The following ARHGAP20 variants were observed in gnomAD, a reference collection of about 807,000 sequenced individuals.
The protein encoded by ARHGAP20 is Rho GTPase activating protein 20, also known as rho GTPase-activating protein 20.
In ARHGAP20, 34 loss-of-function variants were observed where a neutral mutation model predicts 73.7. That is an observed-to-expected ratio of 0.46 (90% CI 0.35 to 0.61). The LOEUF is 0.61. Ranked by LOEUF, ARHGAP20 falls within the 20% of genes least tolerant of loss-of-function variation. The probability of loss-of-function intolerance (pLI) is 0.00; values close to 1 mark genes in which losing one functional copy is unlikely to be tolerated. For synonymous variants in ARHGAP20, 523 were observed against 518.2 expected (o/e 1.01, Z -0.13); for missense variants, 1,314 against 1,420.9 (o/e 0.92, Z 1.21).
At chr11:110,626,324 C>T (rs928939131) in intron 3 of ARHGAP20, among the ~76,000 whole-genome samples, 1 of 152,162 alleles carries the variant, frequency 6.6e-6, no homozygotes, top group Admixed American at 6.5e-5. Context: ...GATCCTTTCC[C>T]TAGATCAATA....
chr11:110,694,608 G>A (rs1950302244), intron 1 of ARHGAP20, among the ~76,000 whole-genome samples: 1 of 151,620 alleles, frequency 6.6e-6, no homozygotes, highest in Admixed American at 6.6e-5. Context: ...TAAATACATG[G>A]ATTAATTACA....
In ARHGAP20 at chr11:110,624,188, G is replaced by A; in HGVS notation, c.477C>T (p.Pro159=). 6.2e-7 allele frequency: 1 copy of A among 1,612,348 alleles called. No homozygotes were observed. Among genetic ancestry groups the A allele is most frequent in the Non-Finnish European group, 8.5e-7 (1 of 1,179,576 alleles). The change falls in exon 4 of 15, where the codon CCC becomes CCT. Residue 159 remains proline (P), a synonymous_variant. Coordinates refer to ENST00000683387, the MANE Select transcript of ARHGAP20 (RefSeq NM_001384657.1). ...TGAAAGTGGCCACAAAGTTCACTGT[G>A]GGCCAGCCCAAAACAAAGGATTTCA... The part of the protein sequence containing the change: ...NAMKSFVLGW[P]TVNFVATFSS...
In ARHGAP20 at chr11:110,577,979, A is replaced by G; in HGVS notation, c.*1391T>C. 1 of 939,240 alleles carries G rather than the reference A, an allele frequency of 1.1e-6. No individual in the cohort carries two copies. Among genetic ancestry groups the G allele is most frequent in the South Asian group, 4.7e-5 (1 of 21,164 alleles). 58.2% of individuals were successfully genotyped at this position (939,240 alleles called of 1,614,324 possible). A position where few individuals can be genotyped will look rare whatever the true frequency, so the allele number is the denominator to read the frequency against. On this transcript the variant is annotated 3_prime_UTR_variant, in exon 15 of 15. Transcript: ENST00000683387. ...AGAAAGGTCCATCTGATGGTGAACT[A>G]AAGAGTTTAAATAAATGGGCTCAGA...
chr11:110,669,011 A>G (rs554817294), intron 2 of ARHGAP20, among the ~76,000 whole-genome samples: 2 of 152,312 alleles, frequency 1.3e-5, no homozygotes, highest in East Asian at 3.9e-4. Flanking sequence ...ATCTGAAACT[A>G]TAAAACTTCT....
At chr11:110,703,987 A>C (rs980465555) in intron 1 of ARHGAP20, among the ~76,000 whole-genome samples, 1 of 152,184 alleles carries the variant, frequency 6.6e-6, no homozygotes, top group East Asian at 1.9e-4. Context: ...CAAGAGGCTA[A>C]TTGTCAGACA....
chr11:110,660,323 T>C (rs899461746), intron 2 of ARHGAP20, among the ~76,000 whole-genome samples: 4 of 152,152 alleles, frequency 2.6e-5, no homozygotes, highest in Non-Finnish European at 5.9e-5. Context: ...ACCTTCCAGG[T>C]ACCTAAAGGG....
intron 2 of ARHGAP20, among the ~76,000 whole-genome samples, chr11:110,647,183 G>A (rs1039654101): frequency 3.8e-4 from 58 of 151,858 alleles, no homozygotes; most frequent in African/African-American, 1.1e-3. Flanking sequence ...GTGTGCATGC[G>A]CGCACATGCA....
In ARHGAP20 at chr11:110,712,189, G is replaced by A; in HGVS notation, c.43C>T (p.Pro15Ser). The A allele has an allele frequency of 2.2e-6, 3 of 1,361,226 alleles. No homozygotes were observed. The South Asian group carries it at 6.9e-5, about 31-fold the overall frequency. 84.3% of individuals were successfully genotyped at this position (1,361,226 alleles called of 1,614,324 possible). ...SPQQETLGGQPGRSSSLTGVS... is the reference protein window; with the variant it reads ...SPQQETLGGQSGRSSSLTGVS... ...CCTGTCAGGGAAGAGGAGCGCCCCG[G>A]CTGTCCCCCTAGAGTCTCCTGCTGG... is the stretch of plus-strand genomic sequence containing the variant. The change falls in exon 1 of 15, where the codon CCG becomes TCG. Residue 15 changes from proline to serine, a missense_variant. Pro to Ser is a moderately conservative substitution (Grantham distance 74, BLOSUM62 -1). Coordinates refer to ENST00000683387, the MANE Select transcript of ARHGAP20 (RefSeq NM_001384657.1).
intron 1 of ARHGAP20, among the ~76,000 whole-genome samples, chr11:110,701,210 A>C (rs1480599998): frequency 6.6e-6 from 1 of 151,296 alleles, no homozygotes; most frequent in Non-Finnish European, 1.5e-5. Context: ...CAACAGTGTA[A>C]AAGTGTTCCT....
chr11:110,622,552 A>G (rs1948652667), intron 4 of ARHGAP20, among the ~76,000 whole-genome samples: 1 of 152,052 alleles, frequency 6.6e-6, no homozygotes, highest in African/African-American at 2.4e-5. Flanking sequence ...TTTTTCCATT[A>G]ATGTCCTTTT....
Position 110,611,387 on chromosome 11 carries a change from CTGTA to C in ARHGAP20, c.631-5_631-2del. 6.9e-7 allele frequency: 1 copy of C among 1,455,042 alleles called. No individual in the cohort carries two copies. Among genetic ancestry groups the C allele is most frequent in the South Asian group, 1.4e-5 (1 of 73,056 alleles). 90.1% of individuals were successfully genotyped at this position (1,455,042 alleles called of 1,614,324 possible). ...AATTCATTACTGTTATAGTTTTAGA[CTGTA>C]GAAAAAAAATAAGAAATATAGCTAT... On this transcript the variant is annotated splice_acceptor_variant and splice_polypyrimidine_tract_variant and intron_variant, in intron 6 of 14. Transcript: ENST00000683387. LOFTEE classifies it high-confidence loss of function.
chr11:110,619,769 T>TATATGCAGTGATAGTGC (rs1948588287), intron 4 of ARHGAP20, among the ~76,000 whole-genome samples: 1 of 151,886 alleles, frequency 6.6e-6, no homozygotes, highest in Non-Finnish European at 1.5e-5. Context: ...AGTGATAGTG[T>TATATGCAGTGATAGTGC]ATATGTAGTG....
intron 2 of ARHGAP20, among the ~76,000 whole-genome samples, chr11:110,657,621 C>T (rs927968569): frequency 6.6e-6 from 1 of 151,852 alleles, no homozygotes; most frequent in Admixed American, 6.6e-5. Flanking sequence ...TGGCTGTGCA[C>T]AGTGGCTTAT....
intron 2 of ARHGAP20, among the ~76,000 whole-genome samples, chr11:110,668,503 G>T (rs1949767122): frequency 6.6e-6 from 1 of 151,974 alleles, no homozygotes; most frequent in African/African-American, 2.4e-5. Context: ...GAAAAAATTA[G>T]CTTGGCATGG....
In ARHGAP20 at chr11:110,606,624, G is replaced by T. The variant is rs1432191571; in HGVS notation, c.901C>A (p.Arg301=). 1 of 1,612,704 alleles carries T rather than the reference G, an allele frequency of 6.2e-7. No individual in the cohort carries two copies. Among genetic ancestry groups the T allele is most frequent in the East Asian group, 2.2e-5 (1 of 44,788 alleles). The part of the protein sequence containing the change: ...QEPFLMEQLP[R]EMQCQFILKP... ...AGGATGAACTGGCACTGCATCTCTC[G>T]GGGGAGCTGTTCCATAAGGAAGGGC... is the stretch of plus-strand genomic sequence containing the variant. The change falls in exon 9 of 15, where the codon CGA becomes AGA. Residue 301 remains arginine, a synonymous_variant. Transcript: ENST00000683387.
At chr11:110,620,858 G>A (rs1175280300) in intron 4 of ARHGAP20, among the ~76,000 whole-genome samples, 1 of 151,008 alleles carries the variant, frequency 6.6e-6, no homozygotes, top group African/African-American at 2.4e-5. Flanking sequence ...GATCACCTGA[G>A]GTCAGGAGTT....
At chr11:110,689,504 T>G (rs1950201711) in intron 2 of ARHGAP20, among the ~76,000 whole-genome samples, 1 of 152,206 alleles carries the variant, frequency 6.6e-6, no homozygotes, top group South Asian at 2.1e-4. Context: ...ATATTTGAAT[T>G]TCAAAAAAAT....
chr11:110,675,576 G>A (rs1949913881), intron 2 of ARHGAP20, among the ~76,000 whole-genome samples: 1 of 152,050 alleles, frequency 6.6e-6, no homozygotes, highest in Non-Finnish European at 1.5e-5. Context: ...TTCCCATAAG[G>A]TGCACACAAC....
chr11:110,690,937 G>C, intron 1 of ARHGAP20: 6 of 1,409,898 alleles, frequency 4.3e-6, no homozygotes, highest in Non-Finnish European at 5.8e-6. Context: ...GTTATCATGT[G>C]TCTGGCTCTA....
Sources: gnomAD v4.1 joint callset for allele counts (sites outside exome capture counted in the v4.1 genomes callset) on GRCh38, gnomAD v4.1.1 for gene constraint, MANE v1.5 for transcripts, NCBI Gene and HGNC (gene_info 2026-07-23, HGNC 2026-07-21) for gene names.